Variants in MAML3 observed in about 807,000 individuals in gnomAD.
The protein encoded by MAML3 is mastermind like transcriptional coactivator 3.
In MAML3, 27 loss-of-function variants were observed where a neutral mutation model predicts 101.9. The observed-to-expected ratio is 0.27, with a 90% CI of 0.20 to 0.37. The LOEUF (loss-of-function observed/expected upper bound fraction) is 0.37. Ranked by LOEUF, MAML3 falls within the 10% of genes least tolerant of loss-of-function variation. MAML3 has a pLI of 1.00. For synonymous variants in MAML3, 501 were observed against 555.9 expected (o/e 0.90, Z 1.39); for missense variants, 1,316 against 1,444.9 (o/e 0.91, Z 1.45).
chr4:140,047,901 T>C (rs1442438120), intron 1 of MAML3, among the ~76,000 whole-genome samples: 1 of 152,116 alleles, frequency 6.6e-6, no homozygotes, highest in Non-Finnish European at 1.5e-5. Context: ...TGGCCATCTT[T>C]AACTTCGTGA....
At chr4:139,905,490 T>TAAAAAAAAAAAAAA (rs1732806891) in intron 1 of MAML3, among the ~76,000 whole-genome samples, 1 of 6,884 alleles carries the variant, frequency 1.5e-4, no homozygotes, top group Non-Finnish European at 1.1e-3. Flanking sequence ...AGACTCTGTC[T>TAAAAAAAAAAAAAA]CAAAAAAAAA....
chr4:140,023,408 C>T (rs185571923), intron 1 of MAML3, among the ~76,000 whole-genome samples: 1 of 152,268 alleles, frequency 6.6e-6, no homozygotes, highest in Non-Finnish European at 1.5e-5. Flanking sequence ...GAGCATGTGC[C>T]CTCCTGCTAA....
chr4:140,143,017 T>G (rs542719096), intron 1 of MAML3, among the ~76,000 whole-genome samples: 4 of 152,342 alleles, frequency 2.6e-5, no homozygotes, highest in African/African-American at 9.6e-5. Context: ...TTATTTGAAA[T>G]GAATTTTGTT....
At chr4:140,136,719 G>C (rs6835932) in intron 1 of MAML3, among the ~76,000 whole-genome samples, 34,903 of 152,112 alleles carry the variant, frequency 0.23, 5,018 homozygotes, top group African/African-American at 0.4. Flanking sequence ...TGCAAAATGA[G>C]TCACGTTTCT....
intron 2 of MAML3, among the ~76,000 whole-genome samples, chr4:139,887,995 C>T (rs1732376224): frequency 6.6e-6 from 1 of 152,176 alleles, no homozygotes; most frequent in South Asian, 2.1e-4. Context: ...TCAATGTAAA[C>T]CAAGTTATAC....
intron 2 of MAML3, among the ~76,000 whole-genome samples, chr4:139,854,625 C>T (rs191654700): frequency 1.3e-5 from 2 of 151,860 alleles, no homozygotes; most frequent in East Asian, 3.9e-4. Flanking sequence ...AGATGTCCCA[C>T]TCAATGCTGG....
At chr4:140,048,530 C>G (rs373157610) in intron 1 of MAML3, among the ~76,000 whole-genome samples, 3 of 152,090 alleles carry the variant, frequency 2.0e-5, no homozygotes, top group African/African-American at 7.2e-5. Flanking sequence ...GAAAACTTAA[C>G]TGGAATCTGT....
intron 2 of MAML3, among the ~76,000 whole-genome samples, chr4:139,856,303 C>G (rs1731661290): frequency 6.6e-6 from 1 of 152,200 alleles, no homozygotes; most frequent in South Asian, 2.1e-4. Flanking sequence ...ATGAATTTAA[C>G]TTGTCATTTA....
chr4:139,886,956 A>G (rs1732353243), intron 2 of MAML3, among the ~76,000 whole-genome samples: 1 of 152,338 alleles, frequency 6.6e-6, no homozygotes, highest in African/African-American at 2.4e-5. Flanking sequence ...AAACGTGCCT[A>G]AAAGGCTTTG....
At chr4:139,767,309 A>G (rs1051694578) in intron 2 of MAML3, among the ~76,000 whole-genome samples, 3 of 152,204 alleles carry the variant, frequency 2.0e-5, no homozygotes, top group African/African-American at 7.2e-5. Flanking sequence ...TCAAATTGTG[A>G]GGGCCACATA....
At chr4:139,953,354 G>T (rs780932630) in intron 1 of MAML3, among the ~76,000 whole-genome samples, 5 of 152,202 alleles carry the variant, frequency 3.3e-5, no homozygotes, top group Non-Finnish European at 7.3e-5. Flanking sequence ...AACTTTGTGC[G>T]GTGGCTCATG....
At chr4:139,798,166 G>A (rs1200860050) in intron 2 of MAML3, among the ~76,000 whole-genome samples, 1 of 152,150 alleles carries the variant, frequency 6.6e-6, no homozygotes, top group African/African-American at 2.4e-5. Flanking sequence ...GTTCACAGAA[G>A]CAGTCCCTCA....
chr4:140,054,592 C>T (rs1373410518), intron 1 of MAML3, among the ~76,000 whole-genome samples: 1 of 152,172 alleles, frequency 6.6e-6, no homozygotes, highest in Non-Finnish European at 1.5e-5. Context: ...CAAAATCACA[C>T]TCATATTTCA....
chr4:139,764,130 AT>A (rs1347722284), intron 2 of MAML3, among the ~76,000 whole-genome samples: 1 of 152,208 alleles, frequency 6.6e-6, no homozygotes, highest in Non-Finnish European at 1.5e-5. Context: ...TCAATATATT[AT>A]TTTTTAATAA....
At chr4:140,110,331 G>T (rs1728420371) in intron 1 of MAML3, among the ~76,000 whole-genome samples, 1 of 152,212 alleles carries the variant, frequency 6.6e-6, no homozygotes, top group African/African-American at 2.4e-5. Context: ...AACGGTTCAG[G>T]CAAGTGGAAA....
chr4:139,731,064 C>T (rs1358879051), intron 2 of MAML3: 1 of 187,986 alleles, frequency 5.3e-6, no homozygotes, highest in Non-Finnish European at 1.1e-5. Context: ...ATCCTTATTT[C>T]TTACTGTCTA....
In MAML3 at chr4:139,716,764, A is replaced by AATC. The variant is rs764794543; in HGVS notation, c.*2556_*2558dup. 6 of 152,616 alleles carry AATC rather than the reference A, an allele frequency of 3.9e-5. No homozygotes were observed. The South Asian group carries it at 6.2e-4, about 16-fold the overall frequency. The allele number at this position is 152,616 out of a possible 1,614,324, so 9.5% of individuals were successfully genotyped here. On this transcript the variant is annotated 3_prime_UTR_variant, in exon 5 of 5. Coordinates refer to ENST00000509479, the MANE Select transcript of MAML3 (RefSeq NM_018717.5). ...AACTATACTTTGGATTGATTCAGATAATCTTTTATTTTTGTTTTTGTTTTC... is the reference window on the plus strand; with the variant it reads ...AACTATACTTTGGATTGATTCAGATAATCATCTTTTATTTTTGTTTTTGTTTTC...
intron 2 of MAML3, among the ~76,000 whole-genome samples, chr4:139,849,606 T>G (rs190656391): frequency 5.2e-4 from 79 of 152,304 alleles, no homozygotes; most frequent in Non-Finnish European, 9.0e-4. Context: ...GGAGCCTCAG[T>G]AGGAAAGAAG....
Position 140,153,779 on chromosome 4 carries a change from C to T in MAML3, c.-452G>A. The T allele has an allele frequency of 6.1e-6, 1 of 163,718 alleles. No individual in the cohort carries two copies. The highest frequency in any genetic ancestry group is 1.3e-5 in the Non-Finnish European group (1 of 75,964). The allele number at this position is 163,718 out of a possible 1,614,324, so 10.1% of individuals were successfully genotyped here. On this transcript the variant is annotated 5_prime_UTR_variant, in exon 1 of 5. Coordinates refer to ENST00000509479, the MANE Select transcript of MAML3 (RefSeq NM_018717.5). Reference sequence around the variant, plus strand: ...CCCATGTACACACACAAGCATATGCCTCCAGTGCGGACACGCGCGACACAC... The same window carrying T: ...CCCATGTACACACACAAGCATATGCTTCCAGTGCGGACACGCGCGACACAC...
Sources: allele counts gnomAD v4.1 joint callset (sites outside exome capture counted in the v4.1 genomes callset), GRCh38; gene constraint gnomAD v4.1.1; transcripts MANE v1.5; gene names NCBI Gene and HGNC (gene_info 2026-07-23, HGNC 2026-07-21).